The following ARHGEF11 variants were observed in gnomAD, a reference collection of about 807,000 sequenced individuals.
ARHGEF11 encodes the protein Rho guanine exchange factor (GEF) 11.
In ARHGEF11, 55 loss-of-function variants were observed where a neutral mutation model predicts 193.7. The ratio of observed to expected loss-of-function variants is 0.28; its 90% CI spans 0.23 to 0.36. The LOEUF (loss-of-function observed/expected upper bound fraction) is 0.36. ARHGEF11 is among the 10% of genes least tolerant of loss of function. The pLI is 1.00. For synonymous variants in ARHGEF11, 693 were observed against 768.0 expected (o/e 0.90, Z 1.62); for missense variants, 1,723 against 2,005.6 (o/e 0.86, Z 2.69).
chr1:156,963,406 A>G, intron 12 of ARHGEF11, 102 bp from the exon 13 acceptor site: 1 of 1,492,006 alleles, frequency 6.7e-7, no homozygotes, highest in Non-Finnish European at 9.3e-7. Context: ...TCATAACAGG[A>G]GGCTCCCCGC....
intron 1 of ARHGEF11, among the ~76,000 whole-genome samples, chr1:156,995,635 A>G (rs980199556): frequency 2.0e-5 from 3 of 148,990 alleles, no homozygotes; most frequent in Non-Finnish European, 4.4e-5. Flanking sequence ...GGCTCACTGC[A>G]GCCTCGACTT....
At chr1:156,981,212 AT>A (rs199804942) in intron 3 of ARHGEF11, among the ~76,000 whole-genome samples, 29,255 of 146,112 alleles carry the variant, frequency 0.2, 2,891 homozygotes, top group East Asian at 0.33. Context: ...AAAAAAAAAA[AT>A]TTTTTTTTTT....
intron 15 of ARHGEF11, 21 bp downstream of exon 15, chr1:156,960,397 C>A: frequency 6.2e-7 from 1 of 1,613,620 alleles, no homozygotes; most frequent in Non-Finnish European, 8.5e-7. Flanking sequence ...AAGAGACTTA[C>A]CGACCAATGA....
At chr1:156,957,933 G>A in intron 17 of ARHGEF11, 118 bp from the exon 18 acceptor site, 1 of 909,184 alleles carries the variant, frequency 1.1e-6, no homozygotes, top group South Asian at 1.4e-5. Flanking sequence ...TGGGGGAAAA[G>A]GAGAGAAGTA....
chr1:156,968,760 T>C (rs1557877374), intron 10 of ARHGEF11, among the ~76,000 whole-genome samples: 1 of 152,226 alleles, frequency 6.6e-6, no homozygotes, highest in African/African-American at 2.4e-5. Flanking sequence ...AGTTTACATG[T>C]GCAAACTGAG....
At chr1:156,976,843 T>C in intron 7 of ARHGEF11, 140 bp downstream of exon 7, 1 of 713,706 alleles carries the variant, frequency 1.4e-6, no homozygotes, top group Non-Finnish European at 2.4e-6. Flanking sequence ...AATTCTTTAG[T>C]GGTCCGGAAG....
At chr1:156,984,207 G>A (rs1274986151) in intron 3 of ARHGEF11, 132 bp downstream of exon 3, 11 of 643,588 alleles carry the variant, frequency 1.7e-5, no homozygotes, top group Admixed American at 3.4e-5. Context: ...GCTTCCCCAC[G>A]CACCCATGGA....
chr1:157,037,065 T>C (rs956070310), intron 1 of ARHGEF11, among the ~76,000 whole-genome samples: 1 of 152,046 alleles, frequency 6.6e-6, no homozygotes, highest in Non-Finnish European at 1.5e-5. Flanking sequence ...GAGGCAGGGG[T>C]TGCAGTGAGC....
chr1:156,985,486 C>T (rs564576596), intron 2 of ARHGEF11, among the ~76,000 whole-genome samples: 6 of 152,186 alleles, frequency 3.9e-5, no homozygotes, highest in South Asian at 2.1e-4. Context: ...TGCAATGGCG[C>T]GATCTCGACT....
At chr1:156,972,490 G>A (rs955489974) in intron 7 of ARHGEF11, among the ~76,000 whole-genome samples, 3 of 152,228 alleles carry the variant, frequency 2.0e-5, no homozygotes, top group Non-Finnish European at 2.9e-5. Context: ...GAAGTGCTTA[G>A]CAGAATGTCT....
At chr1:156,955,876 TC>T (rs766249038) in intron 19 of ARHGEF11, 77 bp from the exon 20 acceptor site, 104 of 1,128,654 alleles carry the variant, frequency 9.2e-5, no homozygotes, top group Non-Finnish European at 1.3e-4. Context: ...TCTGCCACTG[TC>T]CCCCAAGGCT....
intron 1 of ARHGEF11, among the ~76,000 whole-genome samples, chr1:157,033,343 A>G (rs1189470995): frequency 6.6e-6 from 1 of 151,892 alleles, no homozygotes; most frequent in East Asian, 1.9e-4. Flanking sequence ...GCCTCCGCAT[A>G]CCCCCATATA....
In ARHGEF11 at chr1:156,978,057, T is replaced by C. The variant is rs566398274; in HGVS notation, c.510+147A>G. On this transcript the variant is annotated intron_variant, in intron 6 of 40. Transcript: ENST00000368194. ...ACTGTTATTGTGCAGCCTTCATTTT[T>C]GTTCAACTCTTTCAATGGTCTTTCA... 23 of 1,284,658 alleles carry C rather than the reference T, an allele frequency of 1.8e-5. No individual in the cohort carries two copies. In the South Asian group the frequency reaches 3.6e-4, roughly 20 times the overall value. 79.6% of individuals were successfully genotyped at this position (1,284,658 alleles called of 1,614,324 possible).
rs199547287 is a variant in ARHGEF11, at chr1:156,947,903, A to G, written c.2207T>C (p.Leu736Pro). Reference protein sequence around the residue: ...GFCTDTLLPHLLEDDLGQLSD... With the variant: ...GFCTDTLLPHPLEDDLGQLSD... The stretch of plus-strand genomic sequence containing the variant: ...CAGCTGGCCCAGATCATCCTCTAGG[A>G]GGTGGGGAAGGAGGGTATCTGTGCA... The change falls in exon 25 of 41, where the codon CTC becomes CCC. Residue 736 changes from leucine (L) to proline (P), a missense_variant. Leu to Pro is a moderately conservative substitution (Grantham distance 98). Transcript: ENST00000368194. 1 of 1,614,006 alleles carries G rather than the reference A, an allele frequency of 6.2e-7. No individual in the cohort carries two copies. Among genetic ancestry groups the G allele is most frequent in the East Asian group, 2.2e-5 (1 of 44,856 alleles).
chr1:156,963,132 A>G (rs1473702510), intron 13 of ARHGEF11, 71 bp downstream of exon 13: 1 of 1,231,212 alleles, frequency 8.1e-7, no homozygotes, highest in Non-Finnish European at 1.2e-6. Context: ...CAGGGAGCAG[A>G]AACAGAGGCT....
Position 156,948,722 on chromosome 1 carries a change from T to C in ARHGEF11, c.1926-224A>G, listed in dbSNP as rs1034360125. 1.0e-4 allele frequency: 156 copies of C among 1,501,280 alleles called. 2 individuals carry two copies. The African/African-American group carries it at 2.0e-3, about 19-fold the overall frequency. 93.0% of individuals were successfully genotyped at this position (1,501,280 alleles called of 1,614,324 possible). On this transcript the variant is annotated intron_variant, in intron 22 of 40. Transcript: ENST00000368194. This position sits in a 1 kb window ranked among gnomAD's most constrained non-coding sequence, Gnocchi z 4.2. ...TCTCTCCCCAGCCTAGCCTGATGGATGGACAGTCATCTTCCTCTGGAGCTA... is the reference window on the plus strand; with the variant it reads ...TCTCTCCCCAGCCTAGCCTGATGGACGGACAGTCATCTTCCTCTGGAGCTA...
At chr1:156,951,746 A>G in intron 21 of ARHGEF11, 47 bp from the exon 22 acceptor site, 1 of 1,611,242 alleles carries the variant, frequency 6.2e-7, no homozygotes, top group Non-Finnish European at 8.5e-7. Flanking sequence ...CTGTTCAGGG[A>G]TGGCTTCTCA....
At chr1:156,966,633 G>A (rs1446292830) in intron 11 of ARHGEF11, among the ~76,000 whole-genome samples, 1 of 152,178 alleles carries the variant, frequency 6.6e-6, no homozygotes, top group African/African-American at 2.4e-5. Flanking sequence ...GATTTTAGGT[G>A]CTATCTGGAC....
At position 157,044,211 on chromosome 1, in the gene ARHGEF11, A is replaced by G. The variant is rs568375015; in HGVS notation, c.32+88T>C. ...ATTCCCATAGCCCACCCAGACCCCTATTTTCAACCATTTATTAAAATGCAA... is the reference window on the plus strand; with the variant it reads ...ATTCCCATAGCCCACCCAGACCCCTGTTTTCAACCATTTATTAAAATGCAA... On this transcript the variant is annotated intron_variant, in intron 1 of 40. Coordinates refer to ENST00000368194, the MANE Select transcript of ARHGEF11 (RefSeq NM_198236.3). The G allele has an allele frequency of 4.1e-5, 54 of 1,303,710 alleles. No homozygotes were observed. In the African/African-American group the frequency reaches 7.7e-4, roughly 19 times the overall value. The allele number at this position is 1,303,710 out of a possible 1,614,324, so 80.8% of individuals were successfully genotyped here.
Sources: allele counts gnomAD v4.1 joint callset (sites outside exome capture counted in the v4.1 genomes callset), GRCh38; gene constraint gnomAD v4.1.1; non-coding constraint Gnocchi (gnomAD v3.1); transcripts MANE v1.5; gene names NCBI Gene and HGNC (gene_info 2026-07-23, HGNC 2026-07-21).